DIDO1: variants seen among roughly 807,000 people sequenced by gnomAD.
DIDO1 encodes the protein death-inducer obliterator 1.
DIDO1 carries 16 observed loss-of-function variants against 99.4 expected under a neutral mutation model. The ratio of observed to expected loss-of-function variants is 0.16; its 90% CI spans 0.11 to 0.24. The LOEUF is 0.24. Among genes scored for constraint, DIDO1 ranks in the 10% least tolerant of loss-of-function variants. The probability of loss-of-function intolerance (pLI) is 1.00; values close to 1 mark genes in which losing one functional copy is unlikely to be tolerated. For missense variants in DIDO1, 2,996 were observed against 3,014.0 expected, an observed-to-expected ratio of 0.99 and a Z score of 0.14; for synonymous variants, 1,366 against 1,239.1, an observed-to-expected ratio of 1.10 and a Z score of -2.15.
Position 62,894,218 on chromosome 20 carries a change from T to C in DIDO1, c.2573-24A>G. On this transcript the variant is annotated intron_variant, in intron 11 of 15. Coordinates refer to ENST00000395343, the MANE Select transcript of DIDO1 (RefSeq NM_001193369.2). This position sits in a 1 kb window ranked among gnomAD's most constrained non-coding sequence, Gnocchi z 4.4. ...GCCTGAAGAAGGCGAGGAAAGGCTCTGTGAGAAACCCAGCCGGCACACTGG... is the reference window on the plus strand; with the variant it reads ...GCCTGAAGAAGGCGAGGAAAGGCTCCGTGAGAAACCCAGCCGGCACACTGG... 6.2e-7 allele frequency: 1 copy of C among 1,603,728 alleles called. No individual in the cohort carries two copies. Among genetic ancestry groups the C allele is most frequent in the Non-Finnish European group, 8.5e-7 (1 of 1,172,590 alleles).
rs2064465916 is a variant in DIDO1 at position 62,894,256 on chromosome 20, A to G, written c.2573-62T>C. 2 of 1,583,748 alleles carry G rather than the reference A, an allele frequency of 1.3e-6. No homozygotes were observed. The highest frequency in any genetic ancestry group is 3.5e-5 in the Admixed American group (2 of 57,886). The stretch of plus-strand genomic sequence containing the variant: ...GCCGGCACACTGGTGTTTCTCACAC[A>G]AAGCCGAAAGCAATACTCTAAAGGC... On this transcript the variant is annotated intron_variant, in intron 11 of 15. Transcript: ENST00000395343. The surrounding 1 kb of genome is among the most constrained non-coding windows in gnomAD (Gnocchi z 4.4).
intron 1 of DIDO1, among the ~76,000 whole-genome samples, chr20:62,915,211 G>A (rs910786520): frequency 7.2e-5 from 11 of 152,128 alleles, no homozygotes; most frequent in African/African-American, 2.2e-4. Context: ...ATAGTGTTTC[G>A]CATCTGTGAT....
upstream of DIDO1, among the ~76,000 whole-genome samples, chr20:62,928,241 A>C (rs1487166430): frequency 6.6e-6 from 1 of 152,180 alleles, no homozygotes; most frequent in Admixed American, 6.5e-5. Flanking sequence ...CACTAAGGGA[A>C]TAGAAAGAGT....
At chr20:62,929,855 A>G (rs1271174985), upstream of DIDO1, among the ~76,000 whole-genome samples, 1 of 151,540 alleles carries the variant, frequency 6.6e-6, no homozygotes, top group Non-Finnish European at 1.5e-5. Flanking sequence ...CAACTCACCA[A>G]TGCTAAAAGG....
chr20:62,915,391 T>C (rs1430897215), intron 1 of DIDO1, among the ~76,000 whole-genome samples: 2 of 152,192 alleles, frequency 1.3e-5, no homozygotes, highest in Non-Finnish European at 2.9e-5. Flanking sequence ...GGTAAAACTA[T>C]CATCCTCAAA....
Position 62,881,605 on chromosome 20 carries a change from C to A in DIDO1, c.4351G>T (p.Asp1451Tyr), listed in dbSNP as rs746238090. 1 of 1,612,240 alleles carries A rather than the reference C, an allele frequency of 6.2e-7. No individual in the cohort carries two copies. The highest frequency in any genetic ancestry group is 8.5e-7 in the Non-Finnish European group (1 of 1,180,012). The change falls in exon 16 of 16, where the codon GAC becomes TAC. Residue 1451 changes from aspartate to tyrosine, a missense_variant. Physicochemically the swap from Asp to Tyr is radical, Grantham distance 160. Transcript: ENST00000395343. The surrounding 1 kb of genome is among the most constrained non-coding windows in gnomAD (Gnocchi z 8.3). ...VDDLPNRMCA[D>Y]VRRNSVERPA... Reference sequence around the variant, plus strand: ...CTCTCCACGGAGTTCCTTCTCACGTCGGCACACATCCTGTTGGGCAGGTCA... The same window carrying A: ...CTCTCCACGGAGTTCCTTCTCACGTAGGCACACATCCTGTTGGGCAGGTCA...
rs1277678891 is a variant in DIDO1, at chr20:62,892,036, G to A, written c.3296C>T (p.Pro1099Leu). 3 of 1,613,178 alleles carry A rather than the reference G, an allele frequency of 1.9e-6. No individual in the cohort carries two copies. The highest frequency in any genetic ancestry group is 8.5e-7 in the Non-Finnish European group (1 of 1,179,910). The stretch of plus-strand genomic sequence containing the variant: ...GCCAACATAATCCCAAACTGTCTTC[G>A]GTGCGATCCTCCCACCAATGTGAAT... ...DTIHIGGRIAPKTVWDYVGKL... is the reference protein window; with the variant it reads ...DTIHIGGRIALKTVWDYVGKL... The change falls in exon 14 of 16, where the codon CCG (proline) becomes CTG (leucine). Residue 1099 changes from proline (P) to leucine (L), a missense_variant. Around this residue, in one of 5 missense-constraint regions of DIDO1, gnomAD observed 135 missense variants for 202.3 expected, o/e 0.67. Coordinates refer to ENST00000395343, the MANE Select transcript of DIDO1 (RefSeq NM_001193369.2).
At chr20:62,890,792 C>T in intron 15 of DIDO1, 168 bp downstream of exon 15, 2 of 1,462,280 alleles carry the variant, frequency 1.4e-6, no homozygotes, top group East Asian at 4.9e-5. Flanking sequence ...TCTCGTGCCA[C>T]AGTCCTACGC....
intron 1 of DIDO1, among the ~76,000 whole-genome samples, chr20:62,921,306 C>T (rs1292703234): frequency 1.3e-5 from 2 of 152,198 alleles, no homozygotes; most frequent in Non-Finnish European, 2.9e-5. Flanking sequence ...GTCTTCCCTG[C>T]TTTTTAGGAG....
Position 62,881,792 on chromosome 20 carries a change from C to T in DIDO1, c.4164G>A (p.Glu1388=). Residue 1388 remains glutamate (E), a synonymous_variant, in exon 16 of 16, where the codon GAG becomes GAA. Coordinates refer to ENST00000395343, the MANE Select transcript of DIDO1 (RefSeq NM_001193369.2). The surrounding 1 kb of genome is among the most constrained non-coding windows in gnomAD (Gnocchi z 8.3). ...AGGCCCTCTCCGGGTCGTACTCCTC[C>T]TCAGGGTCGTATGGCCTGTCGTCCT... The part of the protein sequence containing the change: ...EEEDDRPYDP[E]EEYDPERAFD... The T allele has an allele frequency of 6.2e-7, 1 of 1,613,496 alleles. No individual in the cohort carries two copies. Among genetic ancestry groups the T allele is most frequent in the Non-Finnish European group, 8.5e-7 (1 of 1,180,026 alleles).
At chr20:62,887,703 A>G in intron 15 of DIDO1, 1 of 985,508 alleles carries the variant, frequency 1.0e-6, no homozygotes, top group Non-Finnish European at 1.2e-6. Flanking sequence ...ACAGAACCCT[A>G]CACGATGAGC....
chr20:62,885,462 CTTG>C (rs2064282572), intron 15 of DIDO1, among the ~76,000 whole-genome samples: 1 of 152,172 alleles, frequency 6.6e-6, no homozygotes, highest in Admixed American at 6.5e-5. Flanking sequence ...GGCTAACTTG[CTTG>C]TTAATGAAAA....
intron 1 of DIDO1, among the ~76,000 whole-genome samples, chr20:62,925,332 G>A (rs2065231406): frequency 6.6e-6 from 1 of 152,160 alleles, no homozygotes. Context: ...TCCTTAAAAG[G>A]CACTGCTAAG....
intron 2 of DIDO1, among the ~76,000 whole-genome samples, chr20:62,913,182 T>C (rs2147517572): frequency 6.6e-6 from 1 of 152,328 alleles, no homozygotes; most frequent in Admixed American, 6.5e-5. Flanking sequence ...TCTGTAAACA[T>C]GACCCACACC....
intron 15 of DIDO1, chr20:62,887,822 G>C (rs2064320547): frequency 1.0e-6 from 1 of 985,372 alleles, no homozygotes; most frequent in African/African-American, 1.7e-5. Context: ...GAACTGAGTG[G>C]GGTGAACATC....
intron 15 of DIDO1, among the ~76,000 whole-genome samples, chr20:62,887,022 TGGGTGCCG>T (rs1241103195): frequency 6.6e-6 from 1 of 152,164 alleles, no homozygotes; most frequent in Non-Finnish European, 1.5e-5. Context: ...CATCTTCTTC[TGGGTGCCG>T]GGGTGCCGAG....
At chr20:62,890,018 C>T (rs1306609245) in intron 15 of DIDO1, 1 of 985,368 alleles carries the variant, frequency 1.0e-6, no homozygotes, top group Non-Finnish European at 1.2e-6. Context: ...TACAGGACCC[C>T]AGCTAGCTAG....
At chr20:62,917,150 C>T (rs1161002642) in intron 1 of DIDO1, among the ~76,000 whole-genome samples, 1 of 152,162 alleles carries the variant, frequency 6.6e-6, no homozygotes, top group Non-Finnish European at 1.5e-5. Flanking sequence ...ACCTCACCCT[C>T]CCCAGTAGCT....
Position 62,896,089 on chromosome 20 carries a change from G to T in DIDO1, c.2214+144C>A. 2.2e-6 allele frequency: 2 copies of T among 913,948 alleles called. No homozygotes were observed. The highest frequency in any genetic ancestry group is 3.3e-6 in the Non-Finnish European group (2 of 607,898). 56.6% of individuals were successfully genotyped at this position (913,948 alleles called of 1,614,324 possible). A position where few individuals can be genotyped will look rare whatever the true frequency, so the allele number is the denominator to read the frequency against. On this transcript the variant is annotated intron_variant, in intron 8 of 15. Transcript: ENST00000395343. This position sits in a 1 kb window ranked among gnomAD's most constrained non-coding sequence, Gnocchi z 4.4. ...ACGCTCAACGCCAGTGCAACAATAC[G>T]TGGGCGGCAGAAGGATCACAGAGGA...
Sources: allele counts gnomAD v4.1 joint callset (sites outside exome capture counted in the v4.1 genomes callset), GRCh38; gene constraint gnomAD v4.1.1; regional missense constraint gnomAD v4.1.1; non-coding constraint Gnocchi (gnomAD v3.1); transcripts MANE v1.5; gene names NCBI Gene and HGNC (gene_info 2026-07-23, HGNC 2026-07-21).